NLGN1: variants seen among roughly 807,000 people sequenced by gnomAD.
NLGN1 encodes the protein neuroligin 1.
A neutral mutation model predicts 65.5 loss-of-function variants in NLGN1; 12 were observed. That is an observed-to-expected ratio of 0.18 (90% CI 0.12 to 0.30). The LOEUF is 0.30. Ranked by LOEUF, NLGN1 falls within the 10% of genes least tolerant of loss-of-function variation. The probability of loss-of-function intolerance (pLI) is 1.00; values close to 1 mark genes in which losing one functional copy is unlikely to be tolerated. For synonymous variants in NLGN1, 350 were observed against 359.5 expected (o/e 0.97, Z 0.30); for missense variants, 750 against 1,007.1 (o/e 0.74, Z 3.46).
At chr3:173,636,426 G>T (rs1475474709) in intron 3 of NLGN1, among the ~76,000 whole-genome samples, 1 of 152,116 alleles carries the variant, frequency 6.6e-6, no homozygotes, top group Non-Finnish European at 1.5e-5. Flanking sequence ...TCCACAAGCT[G>T]GGCATCTTCC....
intron 1 of NLGN1, among the ~76,000 whole-genome samples, chr3:173,418,934 C>A (rs901404445): frequency 1.3e-5 from 2 of 151,022 alleles, no homozygotes; most frequent in Admixed American, 1.3e-4. Flanking sequence ...TTGAATGTGG[C>A]CCATCACAAA....
intron 4 of NLGN1, among the ~76,000 whole-genome samples, chr3:174,151,972 G>A (rs1396737221): frequency 6.6e-6 from 1 of 151,904 alleles, no homozygotes; most frequent in African/African-American, 2.4e-5. Context: ...AATGTGAATA[G>A]AAAAAAATAA....
intron 1 of NLGN1, among the ~76,000 whole-genome samples, chr3:173,416,425 G>C (rs531117190): frequency 1.3e-5 from 2 of 152,294 alleles, no homozygotes; most frequent in South Asian, 4.1e-4. Context: ...AAATGGCCCT[G>C]AAGGGCCAAA....
intron 3 of NLGN1, among the ~76,000 whole-genome samples, chr3:173,684,726 C>A (rs948920321): frequency 2.0e-5 from 3 of 152,156 alleles, no homozygotes; most frequent in Admixed American, 2.0e-4. Context: ...TGAGAATTTA[C>A]ATGAAGTGTT....
intron 4 of NLGN1, among the ~76,000 whole-genome samples, chr3:173,969,755 T>C (rs937074920): frequency 9.2e-5 from 14 of 152,102 alleles, no homozygotes; most frequent in African/African-American, 2.9e-4. Context: ...ATTATGAAAA[T>C]CTGGAAACTT....
intron 4 of NLGN1, among the ~76,000 whole-genome samples, chr3:174,207,656 TC>T (rs1735681430): frequency 6.6e-6 from 1 of 152,210 alleles, no homozygotes; most frequent in Non-Finnish European, 1.5e-5. Flanking sequence ...CTTATCTCAT[TC>T]TTCAAGTAAG....
intron 4 of NLGN1, among the ~76,000 whole-genome samples, chr3:174,065,455 A>C (rs1738318495): frequency 6.6e-6 from 1 of 152,106 alleles, no homozygotes; most frequent in African/African-American, 2.4e-5. Context: ...ACATAACCAA[A>C]CCTTGACTTC....
intron 3 of NLGN1, 42 bp from the exon 4 acceptor site, chr3:173,807,638 A>C: frequency 6.3e-7 from 1 of 1,599,244 alleles, no homozygotes; most frequent in African/African-American, 1.3e-5. Context: ...ATTGTGTGTT[A>C]TTTTTGAGGA....
chr3:173,410,173 T>G (rs1156711514), intron 1 of NLGN1, among the ~76,000 whole-genome samples: 1 of 152,220 alleles, frequency 6.6e-6, no homozygotes, highest in Non-Finnish European at 1.5e-5. Context: ...TAGTCTATTT[T>G]GAGTGTCATT....
At chr3:173,603,632 T>C (rs1176001909) in intron 2 of NLGN1, among the ~76,000 whole-genome samples, 1 of 152,140 alleles carries the variant, frequency 6.6e-6, no homozygotes, top group Non-Finnish European at 1.5e-5. Flanking sequence ...CCATTTTCTC[T>C]TTTAAATTCT....
At chr3:173,672,653 G>A (rs189666168) in intron 3 of NLGN1, among the ~76,000 whole-genome samples, 3 of 152,304 alleles carry the variant, frequency 2.0e-5, no homozygotes, top group African/African-American at 7.2e-5. Flanking sequence ...CAAGGAGATA[G>A]TCTTCCTCTT....
chr3:173,531,611 TAGTC>T (rs1451482803), intron 2 of NLGN1, among the ~76,000 whole-genome samples: 4 of 140,672 alleles, frequency 2.8e-5, no homozygotes, highest in Non-Finnish European at 6.2e-5. Context: ...ATCATGTTAT[TAGTC>T]AGTCAAGTTC....
At chr3:174,044,206 G>A (rs1471185716) in intron 4 of NLGN1, among the ~76,000 whole-genome samples, 2 of 152,138 alleles carry the variant, frequency 1.3e-5, no homozygotes, top group Non-Finnish European at 2.9e-5. Flanking sequence ...TGGTCTCTGG[G>A]CTTGTGATGC....
In NLGN1 at chr3:173,801,423, G is replaced by T. The variant is rs143028235; in HGVS notation, c.494-6257G>T. On this transcript the variant is annotated intron_variant, in intron 3 of 6. Coordinates refer to ENST00000457714, the Ensembl canonical transcript of NLGN1. ...ATCTCATAACGAAAATAATAATGTG[G>T]TTAGAAAAGTTTTCCAAAATAAAAT... Among the ~76,000 whole-genome samples the T allele has an allele frequency of 9.4e-4, 143 of 152,054 alleles. 1 individual carries two copies. The highest frequency in any genetic ancestry group is 9.3e-3 in the Admixed American group (142 of 15,282).
intron 3 of NLGN1, among the ~76,000 whole-genome samples, chr3:173,675,617 A>G (rs1457827695): frequency 2.0e-5 from 3 of 152,068 alleles, no homozygotes; most frequent in African/African-American, 7.2e-5. Context: ...TATATTAACT[A>G]TCAGTTATCG....
At chr3:174,063,294 T>G (rs1737802344) in intron 4 of NLGN1, among the ~76,000 whole-genome samples, 1 of 152,120 alleles carries the variant, frequency 6.6e-6, no homozygotes, top group Non-Finnish European at 1.5e-5. Flanking sequence ...AATACATTTT[T>G]AGATAAATAA....
intron 4 of NLGN1, among the ~76,000 whole-genome samples, chr3:173,944,900 T>G (rs1746871615): frequency 6.6e-6 from 1 of 152,162 alleles, no homozygotes. Flanking sequence ...AGAAGAGTTT[T>G]AACCAAAAAT....
intron 3 of NLGN1, among the ~76,000 whole-genome samples, chr3:173,657,325 C>T (rs1198079841): frequency 6.6e-6 from 1 of 151,942 alleles, no homozygotes; most frequent in African/African-American, 2.4e-5. Context: ...ATTTGGGGTT[C>T]TATAGTGCAA....
chr3:174,198,194 G>A (rs562964474), intron 4 of NLGN1, among the ~76,000 whole-genome samples: 2 of 152,222 alleles, frequency 1.3e-5, no homozygotes, highest in African/African-American at 2.4e-5. Flanking sequence ...AAATAAAACA[G>A]CTAATATTTA....
Sources: allele counts gnomAD v4.1 joint callset (sites outside exome capture counted in the v4.1 genomes callset), GRCh38; gene constraint gnomAD v4.1.1; transcripts MANE v1.5; gene names NCBI Gene and HGNC (gene_info 2026-07-23, HGNC 2026-07-21).